PARD3: variants seen among roughly 807,000 people sequenced by gnomAD.
The protein encoded by PARD3 is par-3 family cell polarity regulator.
A neutral mutation model predicts 155.4 loss-of-function variants in PARD3; 75 were observed. That is an observed-to-expected ratio of 0.48 (90% CI 0.40 to 0.58). The LOEUF is 0.58. Ranked by LOEUF, PARD3 falls within the 20% of genes least tolerant of loss-of-function variation. The pLI, the probability that PARD3 is intolerant of heterozygous loss-of-function variation, is 0.00. For synonymous variants in PARD3, 576 were observed against 610.5 expected (o/e 0.94, Z 0.83); for missense variants, 1,642 against 1,721.7 (o/e 0.95, Z 0.82).
At chr10:34,203,999 T>C (rs1474473656) in intron 22 of PARD3, among the ~76,000 whole-genome samples, 76 of 152,218 alleles carry the variant, frequency 5.0e-4, no homozygotes, top group Non-Finnish European at 1.9e-4. Flanking sequence ...AGCTAGATTG[T>C]AGTTATAATT....
intron 2 of PARD3, among the ~76,000 whole-genome samples, chr10:34,546,082 C>G (rs1422152588): frequency 6.6e-6 from 1 of 152,078 alleles, no homozygotes; most frequent in Non-Finnish European, 1.5e-5. Context: ...ATTAGAAATA[C>G]AATAAATAAA....
intron 3 of PARD3, among the ~76,000 whole-genome samples, chr10:34,501,015 C>A (rs1045319038): frequency 6.6e-6 from 1 of 152,086 alleles, no homozygotes; most frequent in East Asian, 1.9e-4. Flanking sequence ...TAATTTGTTA[C>A]CACAGATTTT....
chr10:34,678,902 A>G (rs2093760977), intron 2 of PARD3, among the ~76,000 whole-genome samples: 1 of 152,058 alleles, frequency 6.6e-6, no homozygotes, highest in Non-Finnish European at 1.5e-5. Context: ...TTGAGGTTCA[A>G]TGACCTTGAA....
At chr10:34,808,045 G>A (rs2134398814) in intron 1 of PARD3, among the ~76,000 whole-genome samples, 1 of 152,314 alleles carries the variant, frequency 6.6e-6, no homozygotes, top group East Asian at 1.9e-4. Flanking sequence ...CAGGCATGGT[G>A]GCTCGTGCCT....
chr10:34,664,827 T>G (rs906689381), intron 2 of PARD3, among the ~76,000 whole-genome samples: 1 of 152,174 alleles, frequency 6.6e-6, no homozygotes, highest in African/African-American at 2.4e-5. Flanking sequence ...TGCTACAGTC[T>G]GTCACTTCAG....
chr10:34,357,883 C>G (rs532595182), intron 14 of PARD3, among the ~76,000 whole-genome samples: 3 of 152,090 alleles, frequency 2.0e-5, no homozygotes, highest in African/African-American at 7.2e-5. Flanking sequence ...CAACTGAGCT[C>G]GAGAGTATAT....
chr10:34,545,970 T>C (rs2084012523), intron 2 of PARD3, among the ~76,000 whole-genome samples: 1 of 152,194 alleles, frequency 6.6e-6, no homozygotes, highest in Non-Finnish European at 1.5e-5. Context: ...TACTTAACAC[T>C]GTAGAATTAT....
chr10:34,446,291 T>C (rs2076736248), intron 5 of PARD3, among the ~76,000 whole-genome samples: 3 of 152,186 alleles, frequency 2.0e-5, no homozygotes, highest in African/African-American at 7.2e-5. Context: ...TCCTGCTACA[T>C]ATATGCCAAA....
At position 34,710,232 on chromosome 10, in the gene PARD3, G is replaced by A. The variant is rs2094431276; in HGVS notation, c.121-13813C>T. Among the ~76,000 whole-genome samples, 3 of 152,156 alleles carry A rather than the reference G, an allele frequency of 2.0e-5. No homozygotes were observed. The South Asian group carries it at 6.2e-4, about 32-fold the overall frequency. On this transcript the variant is annotated intron_variant, in intron 1 of 24. Coordinates refer to ENST00000374788, the MANE Select transcript of PARD3 (RefSeq NM_001184785.2). ...TAAACACAACAGAGCAATTCACAAT[G>A]TTGTTCACCGACTGTTACATAAGAC...
chr10:34,550,580 A>AT (rs897576322), intron 2 of PARD3, among the ~76,000 whole-genome samples: 15 of 152,210 alleles, frequency 9.9e-5, no homozygotes, highest in African/African-American at 3.6e-4. Context: ...TTTGAAAAAA[A>AT]CATTAGAATG....
chr10:34,814,751 G>A, intron 1 of PARD3, 125 bp downstream of exon 1: 1 of 845,230 alleles, frequency 1.2e-6, no homozygotes, highest in Middle Eastern at 3.7e-4. Flanking sequence ...CGCGAGGCCC[G>A]ACCGGCCGCA....
chr10:34,725,153 C>CAG lies in PARD3; in HGVS notation c.121-28736_121-28735dup, dbSNP rs34163907. 3.3e-3 allele frequency among the ~76,000 whole-genome samples: 427 copies of CAG among 127,540 alleles called. 4 individuals are homozygous for CAG. Among genetic ancestry groups the CAG allele is most frequent in the South Asian group, 0.012 (48 of 3,894 alleles). The allele number at this position is 127,540 out of a possible 152,430, so 83.7% of individuals were successfully genotyped here. On this transcript the variant is annotated intron_variant, in intron 1 of 24. Coordinates refer to ENST00000374788, the MANE Select transcript of PARD3 (RefSeq NM_001184785.2). ...TGTGTGTGTGTGTGTGTGTGTGTGA[C>CAG]AGAGAGAGAGAGAGAGAGAGACGGA... is the stretch of plus-strand genomic sequence containing the variant.
Position 34,111,031 on chromosome 10 carries a change from A to G in PARD3, c.*138T>C, listed in dbSNP as rs188189092. 4 of 906,470 alleles carry G rather than the reference A, an allele frequency of 4.4e-6. No homozygotes were observed. The highest frequency in any genetic ancestry group is 1.6e-5 in the African/African-American group (1 of 60,880). 56.2% of individuals were successfully genotyped at this position (906,470 alleles called of 1,614,324 possible). The stretch of plus-strand genomic sequence containing the variant: ...ATTAAGGCCTTCCATTTCTTTGCCT[A>G]CACCGCTTAAAGGCACTGATACCAA... On this transcript the variant is annotated 3_prime_UTR_variant, in exon 25 of 25. Coordinates refer to ENST00000374788, the MANE Select transcript of PARD3 (RefSeq NM_001184785.2).
intron 1 of PARD3, among the ~76,000 whole-genome samples, chr10:34,732,947 C>T (rs977954968): frequency 6.6e-6 from 1 of 152,084 alleles, no homozygotes; most frequent in Non-Finnish European, 1.5e-5. Context: ...ACCAGGCAGA[C>T]GAGGGACCCA....
At chr10:34,483,075 G>T (rs1310014039) in intron 3 of PARD3, among the ~76,000 whole-genome samples, 3 of 152,098 alleles carry the variant, frequency 2.0e-5, no homozygotes, top group Non-Finnish European at 4.4e-5. Flanking sequence ...AGAATAGCTT[G>T]AATCTGGGAG....
At chr10:34,637,082 G>A (rs897826204) in intron 2 of PARD3, among the ~76,000 whole-genome samples, 1 of 152,160 alleles carries the variant, frequency 6.6e-6, no homozygotes, top group African/African-American at 2.4e-5. Flanking sequence ...ATACCCTATT[G>A]CAAGGATTTA....
At chr10:34,378,916 A>G (rs1016449511) in intron 9 of PARD3, among the ~76,000 whole-genome samples, 1 of 152,206 alleles carries the variant, frequency 6.6e-6, no homozygotes, top group Non-Finnish European at 1.5e-5. Flanking sequence ...CTCAATACAA[A>G]GCAGAAAAGT....
At chr10:34,540,166 T>G (rs929601775) in intron 2 of PARD3, among the ~76,000 whole-genome samples, 1 of 152,054 alleles carries the variant, frequency 6.6e-6, no homozygotes, top group Non-Finnish European at 1.5e-5. Flanking sequence ...GGACATTCAA[T>G]TACAGGTTAT....
In PARD3 at chr10:34,459,399, C is replaced by T. The variant is rs71487363; in HGVS notation, c.583-8951G>A. 4.2e-3 allele frequency among the ~76,000 whole-genome samples: 643 copies of T among 152,172 alleles called. 4 individuals are homozygous for T. Among genetic ancestry groups the T allele is most frequent in the Non-Finnish European group, 5.8e-3 (396 of 67,960 alleles). Reference sequence around the variant, plus strand: ...TGTTAGCCAGGATGGTCTCAACCTCCTGACCTCGTGATCCGCCCGCCTCGG... The same window carrying T: ...TGTTAGCCAGGATGGTCTCAACCTCTTGACCTCGTGATCCGCCCGCCTCGG... On this transcript the variant is annotated intron_variant, in intron 4 of 24. Coordinates refer to ENST00000374788, the MANE Select transcript of PARD3 (RefSeq NM_001184785.2).
Sources: allele counts gnomAD v4.1 joint callset (sites outside exome capture counted in the v4.1 genomes callset), GRCh38; gene constraint gnomAD v4.1.1; transcripts MANE v1.5; gene names NCBI Gene and HGNC (gene_info 2026-07-23, HGNC 2026-07-21).